KMT2C: variants seen among roughly 807,000 people sequenced by gnomAD.
KMT2C encodes lysine methyltransferase 2C.
A neutral mutation model predicts 507.9 loss-of-function variants in KMT2C; 88 were observed. That is an observed-to-expected ratio of 0.17 (90% CI 0.15 to 0.21). The LOEUF is 0.21. Among genes scored for constraint, KMT2C ranks in the 10% least tolerant of loss-of-function variants. The probability of loss-of-function intolerance (pLI) is 1.00; values close to 1 mark genes in which losing one functional copy is unlikely to be tolerated. For missense variants in KMT2C, 4,954 were observed against 5,957.8 expected, an observed-to-expected ratio of 0.83 and a Z score of 5.55; for synonymous variants, 2,049 against 2,080.8, an observed-to-expected ratio of 0.98 and a Z score of 0.42.
At chr7:152,399,976 A>C in intron 1 of KMT2C, among the ~76,000 whole-genome samples, 1 of 152,138 alleles carries the variant, frequency 6.6e-6, no homozygotes, top group Non-Finnish European at 1.5e-5. Flanking sequence ...CAGTAAGTCT[A>C]ATAATCCAAC....
intron 1 of KMT2C, among the ~76,000 whole-genome samples, chr7:152,424,095 A>G (rs1273958503): frequency 6.6e-6 from 1 of 152,204 alleles, no homozygotes; most frequent in Non-Finnish European, 1.5e-5. Context: ...AATGATTTTT[A>G]TCACTCGTAT....
At chr7:152,274,978 CTGAGA>C (rs1251426720) in intron 6 of KMT2C, among the ~76,000 whole-genome samples, 6 of 152,120 alleles carry the variant, frequency 3.9e-5, no homozygotes, top group Non-Finnish European at 8.8e-5. Context: ...AACAGCTTAG[CTGAGA>C]TAACTGGAGC....
Position 152,391,564 on chromosome 7 carries a change from T to G in KMT2C, c.162-32889A>C, listed in dbSNP as rs2097498785. ...CGGCCTTTTTTTTTTTTTTTTTTTT[T>G]GACACAGAGTCTCTGGCACACAGGC... is the stretch of plus-strand genomic sequence containing the variant. On this transcript the variant is annotated intron_variant, in intron 1 of 58. Transcript: ENST00000262189. Among the ~76,000 whole-genome samples the G allele has an allele frequency of 2.8e-5, 4 of 142,216 alleles. No homozygotes were observed. The South Asian group carries it at 6.7e-4, about 24-fold the overall frequency. The allele number at this position is 142,216 out of a possible 152,430, so 93.3% of individuals were successfully genotyped here. A position where few individuals can be genotyped will look rare whatever the true frequency, so the allele number is the denominator to read the frequency against.
rs199539443 is a variant in KMT2C, at chr7:152,284,197, CAT to C, written c.850-10332_850-10331del. 8.6e-3 allele frequency among the ~76,000 whole-genome samples: 1,300 copies of C among 151,940 alleles called. 15 individuals are homozygous for C. Among genetic ancestry groups the C allele is most frequent in the African/African-American group, 0.03 (1,253 of 41,450 alleles). On this transcript the variant is annotated intron_variant, in intron 6 of 58. Transcript: ENST00000262189. Reference sequence around the variant, plus strand: ...TTGTGCTATTGAATTAAACTGAAAACATAAATATCAACTCATGATTTTGAAAA... The same window carrying C: ...TTGTGCTATTGAATTAAACTGAAAACAAATATCAACTCATGATTTTGAAAA...
intron 2 of KMT2C, among the ~76,000 whole-genome samples, chr7:152,351,485 G>T (rs984933250): frequency 2.0e-5 from 3 of 152,134 alleles, no homozygotes; most frequent in African/African-American, 7.2e-5. Context: ...TCATATATGT[G>T]ATCTGCTGTC....
At position 152,152,983 on chromosome 7, in the gene KMT2C, T is replaced by C. The variant is rs751229478; in HGVS notation, c.12277-29A>G. 3.1e-6 allele frequency: 5 copies of C among 1,610,426 alleles called. No homozygotes were observed. In the East Asian group the frequency reaches 1.1e-4, roughly 36 times the overall value. ...AAACCAAATGCAAATGCTGTATTAT[T>C]CACCCAGAAGGCAACAGTGAACCAC... is the stretch of plus-strand genomic sequence containing the variant. On this transcript the variant is annotated intron_variant, in intron 48 of 58. Coordinates refer to ENST00000262189, the MANE Select transcript of KMT2C (RefSeq NM_170606.3).
chr7:152,251,288 A>ATT (rs548663710), intron 11 of KMT2C, among the ~76,000 whole-genome samples: 1 of 152,058 alleles, frequency 6.6e-6, no homozygotes, highest in Non-Finnish European at 1.5e-5. Context: ...CTCTAAAACA[A>ATT]TTTTTTTTAA....
intron 9 of KMT2C, among the ~76,000 whole-genome samples, chr7:152,255,157 A>ATGTGTGTGTGTGTG (rs112731121): frequency 7.8e-6 from 1 of 128,376 alleles, no homozygotes; most frequent in African/African-American, 3.0e-5. Context: ...ATATATATAT[A>ATGTGTGTGTGTGTG]TGTGTGTGTG....
Position 152,342,771 on chromosome 7 carries a change from A to G in KMT2C, c.251-12032T>C, listed in dbSNP as rs552673174. 1.3e-3 allele frequency among the ~76,000 whole-genome samples: 205 copies of G among 152,342 alleles called. 2 individuals are homozygous for G. The highest frequency in any genetic ancestry group is 2.1e-3 in the Non-Finnish European group (144 of 68,026). On this transcript the variant is annotated intron_variant, in intron 2 of 58. Coordinates refer to ENST00000262189, the MANE Select transcript of KMT2C (RefSeq NM_170606.3). ...GTTTCTCACAGTGAACTTCACAGAAAAATATCTTCTTGCTTTCAACAGCAG... is the reference window on the plus strand; with the variant it reads ...GTTTCTCACAGTGAACTTCACAGAAGAATATCTTCTTGCTTTCAACAGCAG...
At chr7:152,354,793 G>A (rs71541751) in intron 2 of KMT2C, among the ~76,000 whole-genome samples, 3 of 152,152 alleles carry the variant, frequency 2.0e-5, no homozygotes, top group Non-Finnish European at 2.9e-5. Context: ...CATAAGATAC[G>A]GTTATACAAG....
At chr7:152,210,735 T>TA (rs1180269294) in intron 23 of KMT2C, among the ~76,000 whole-genome samples, 7 of 151,996 alleles carry the variant, frequency 4.6e-5, no homozygotes, top group Middle Eastern at 6.8e-3. Context: ...AAAAAAATCT[T>TA]AAAAAAGATT....
intron 39 of KMT2C, 143 bp downstream of exon 39, chr7:152,173,988 T>C (rs2093079136): frequency 2.0e-6 from 1 of 503,660 alleles, no homozygotes; most frequent in Non-Finnish European, 3.5e-6. Flanking sequence ...TCTGATCATA[T>C]CGAGCTGATG....
At chr7:152,195,171 A>AT (rs1284842835) in intron 28 of KMT2C, among the ~76,000 whole-genome samples, 2 of 152,084 alleles carry the variant, frequency 1.3e-5, no homozygotes, top group East Asian at 3.8e-4. Flanking sequence ...TATCATCTAC[A>AT]TTTTTTTCAT....
chr7:152,253,998 C>T (rs1280907617), intron 9 of KMT2C, among the ~76,000 whole-genome samples: 1 of 152,074 alleles, frequency 6.6e-6, no homozygotes, highest in Non-Finnish European at 1.5e-5. Context: ...TAAAAGGGAA[C>T]TTTATCTTTC....
At chr7:152,306,748 G>A (rs1040325463) in intron 6 of KMT2C, among the ~76,000 whole-genome samples, 1 of 152,170 alleles carries the variant, frequency 6.6e-6, no homozygotes, top group African/African-American at 2.4e-5. Flanking sequence ...TTTCCCCACA[G>A]CCCTGTCAAC....
chr7:152,317,519 A>G (rs2096732160), intron 3 of KMT2C, among the ~76,000 whole-genome samples: 1 of 152,242 alleles, frequency 6.6e-6, no homozygotes, highest in African/African-American at 2.4e-5. Context: ...AAGAAATGTG[A>G]CAATAGCACC....
Position 152,248,117 on chromosome 7 carries a change from A to T in KMT2C, c.2317T>A (p.Ser773Thr). 6.2e-7 allele frequency: 1 copy of T among 1,614,226 alleles called. No individual in the cohort carries two copies. Among genetic ancestry groups the T allele is most frequent in the Non-Finnish European group, 8.5e-7 (1 of 1,180,008 alleles). Residue 773 changes from serine (S) to threonine (T), a missense_variant, in exon 14 of 59, where the codon TCA becomes ACA. By Grantham distance (58) the Ser-to-Thr change is moderately conservative. Transcript: ENST00000262189. ...ACATCTGCCTTGCTTATGTCTGCTG[A>T]TGATGAAAATGATGACTCTGTCTCA... Reference protein sequence around the residue: ...SSETESSFSSSADISKADVSS... With the variant: ...SSETESSFSSTADISKADVSS...
At chr7:152,368,546 A>G (rs1489643197) in intron 1 of KMT2C, 4 of 1,378,076 alleles carry the variant, frequency 2.9e-6, no homozygotes, top group African/African-American at 1.4e-5. Flanking sequence ...GAATTAGAGG[A>G]AAAACGTCGT....
intron 6 of KMT2C, among the ~76,000 whole-genome samples, chr7:152,307,770 C>A (rs1489629869): frequency 6.6e-6 from 1 of 152,126 alleles, no homozygotes; most frequent in African/African-American, 2.4e-5. Context: ...TTTTAACTAC[C>A]TTCCTAGCAA....
Sources: gnomAD v4.1 joint callset for allele counts (sites outside exome capture counted in the v4.1 genomes callset) on GRCh38, gnomAD v4.1.1 for gene constraint, MANE v1.5 for transcripts, NCBI Gene and HGNC (gene_info 2026-07-23, HGNC 2026-07-21) for gene names.